CNTN4: variants seen among roughly 807,000 people sequenced by gnomAD.
CNTN4 encodes the protein contactin-4.
Under a neutral mutation model 122.5 loss-of-function variants are expected in CNTN4, and 77 were observed. The observed-to-expected ratio is 0.63, with a 90% CI of 0.52 to 0.76. CNTN4 has a LOEUF of 0.76. Among genes scored for constraint, CNTN4 ranks in the 30% least tolerant of loss-of-function variants. The probability of loss-of-function intolerance (pLI) is 0.00; values close to 1 mark genes in which losing one functional copy is unlikely to be tolerated. For missense variants in CNTN4, 1,256 were observed against 1,259.1 expected (o/e 1.00, Z 0.04); for synonymous variants, 512 against 447.0 (o/e 1.15, Z -1.83).
intron 2 of CNTN4, among the ~76,000 whole-genome samples, chr3:2,233,459 T>C (rs1476361778): frequency 6.6e-6 from 1 of 152,202 alleles, no homozygotes; most frequent in Non-Finnish European, 1.5e-5. Context: ...GCTATATGCA[T>C]TGATTAGCAT....
At chr3:2,663,253 A>T (rs2083991452) in intron 4 of CNTN4, among the ~76,000 whole-genome samples, 1 of 152,238 alleles carries the variant, frequency 6.6e-6, no homozygotes, top group Non-Finnish European at 1.5e-5. Context: ...GTGAGTTAAG[A>T]GATTAATGGT....
intron 12 of CNTN4, among the ~76,000 whole-genome samples, chr3:2,917,907 A>ATT (rs113065177): frequency 0.4 from 60,952 of 150,630 alleles, 12,417 homozygotes; most frequent in East Asian, 0.64. Context: ...CATGTGAGGC[A>ATT]TTTTTTTTTT....
rs1443359203 is a variant in CNTN4 at position 2,441,646 on chromosome 3, CAG to C, written c.-89+102422_-89+102423del. On this transcript the variant is annotated intron_variant, in intron 3 of 24. Coordinates refer to ENST00000418658, the MANE Select transcript of CNTN4 (RefSeq NM_175607.3). ...GCATTCAAACATAGATTTGCAGGTG[CAG>C]AGAGAGAGTGTTACTTAGCCCTGCA... Among the ~76,000 whole-genome samples, 5 of 152,096 alleles carry C rather than the reference CAG, an allele frequency of 3.3e-5. No individual in the cohort carries two copies. The South Asian group carries it at 1.0e-3, about 32-fold the overall frequency.
chr3:2,923,154 T>C (rs2094444327), intron 12 of CNTN4, among the ~76,000 whole-genome samples: 1 of 152,214 alleles, frequency 6.6e-6, no homozygotes. Flanking sequence ...TCATTTCAAA[T>C]GCTACTGCAG....
chr3:2,761,900 G>A (rs568580603), intron 6 of CNTN4, among the ~76,000 whole-genome samples: 198 of 152,176 alleles, frequency 1.3e-3, no homozygotes, highest in Non-Finnish European at 2.4e-3. Flanking sequence ...AAGTACCTTT[G>A]GGCAAATGTG....
chr3:2,944,413 A>G (rs775127848), intron 13 of CNTN4, among the ~76,000 whole-genome samples: 8 of 152,162 alleles, frequency 5.3e-5, no homozygotes, highest in Non-Finnish European at 1.2e-4. Flanking sequence ...CCTCCATGTG[A>G]CTGCATTCAT....
intron 12 of CNTN4, among the ~76,000 whole-genome samples, chr3:2,922,768 C>T (rs1326991125): frequency 6.6e-6 from 1 of 151,948 alleles, no homozygotes; most frequent in Non-Finnish European, 1.5e-5. Context: ...TGCAACACCA[C>T]GCCCAGCTAA....
chr3:2,793,367 A>G (rs1458713265), intron 6 of CNTN4, among the ~76,000 whole-genome samples: 1 of 152,080 alleles, frequency 6.6e-6, no homozygotes, highest in Non-Finnish European at 1.5e-5. Context: ...AGACCTTGCT[A>G]TTACTACTGG....
intron 2 of CNTN4, among the ~76,000 whole-genome samples, chr3:2,186,444 C>A (rs2037271145): frequency 6.6e-6 from 1 of 152,028 alleles, no homozygotes; most frequent in Non-Finnish European, 1.5e-5. Context: ...GAGTATATAC[C>A]CATTAATGGG....
At chr3:2,651,774 C>G (rs916895689) in intron 4 of CNTN4, among the ~76,000 whole-genome samples, 4 of 150,878 alleles carry the variant, frequency 2.7e-5, no homozygotes, top group Non-Finnish European at 4.4e-5. Context: ...GCTATCTTGG[C>G]TCACTGCAAC....
chr3:2,767,314 T>C (rs1486953698), intron 6 of CNTN4, among the ~76,000 whole-genome samples: 4 of 152,210 alleles, frequency 2.6e-5, no homozygotes, highest in African/African-American at 4.8e-5. Context: ...TCTTTTGTTA[T>C]CAAGTGATTG....
chr3:2,126,318 C>T (rs932026581), intron 2 of CNTN4, among the ~76,000 whole-genome samples: 2 of 152,094 alleles, frequency 1.3e-5, no homozygotes, highest in Non-Finnish European at 2.9e-5. Context: ...TGTCTCTGCG[C>T]CCAGTACATG....
At chr3:2,124,150 G>A (rs764929872) in intron 2 of CNTN4, among the ~76,000 whole-genome samples, 12 of 151,500 alleles carry the variant, frequency 7.9e-5, no homozygotes, top group Non-Finnish European at 1.2e-4. Flanking sequence ...CAGAAGTCAC[G>A]TAAAATTCCC....
chr3:2,806,283 C>G (rs2092466623), intron 6 of CNTN4, among the ~76,000 whole-genome samples: 1 of 152,186 alleles, frequency 6.6e-6, no homozygotes, highest in Non-Finnish European at 1.5e-5. Context: ...TTACACCTTA[C>G]AGTAGAGCCA....
intron 5 of CNTN4, among the ~76,000 whole-genome samples, chr3:2,744,641 C>T (rs950964479): frequency 4.6e-5 from 7 of 152,144 alleles, no homozygotes; most frequent in Admixed American, 2.0e-4. Flanking sequence ...TTAGTGCAAA[C>T]GTTCTGAAGT....
chr3:2,639,901 A>G (rs1287621442), intron 4 of CNTN4, among the ~76,000 whole-genome samples: 2 of 152,216 alleles, frequency 1.3e-5, no homozygotes, highest in African/African-American at 2.4e-5. Flanking sequence ...TTAAGGAACA[A>G]CTAAGCTATC....
chr3:2,854,711 G>A (rs1029554745), intron 7 of CNTN4, among the ~76,000 whole-genome samples: 2 of 152,186 alleles, frequency 1.3e-5, no homozygotes, highest in Non-Finnish European at 2.9e-5. Flanking sequence ...AAAAGGTTGT[G>A]TGTTGTTAAC....
intron 3 of CNTN4, among the ~76,000 whole-genome samples, chr3:2,474,845 G>T (rs1310177799): frequency 2.0e-5 from 3 of 152,062 alleles, no homozygotes. Context: ...ATATTTCATT[G>T]TAGGTATCCA....
At chr3:2,812,863 A>G (rs764548835) in intron 6 of CNTN4, among the ~76,000 whole-genome samples, 3 of 152,246 alleles carry the variant, frequency 2.0e-5, no homozygotes, top group Admixed American at 6.5e-5. Context: ...TACATCATAC[A>G]GGTAGAAAGT....
Sources: gnomAD v4.1 joint callset for allele counts (sites outside exome capture counted in the v4.1 genomes callset) on GRCh38, gnomAD v4.1.1 for gene constraint, MANE v1.5 for transcripts, NCBI Gene and HGNC (gene_info 2026-07-23, HGNC 2026-07-21) for gene names.